Variants in PTCD1 observed in about 807,000 individuals in gnomAD.
PTCD1 encodes the protein pentatricopeptide repeat-containing protein 1, mitochondrial.
In PTCD1, 50 loss-of-function variants were observed where a neutral mutation model predicts 53.4. That is an observed-to-expected ratio of 0.94 (90% CI 0.75 to 1.19). The LOEUF is 1.19. Ranked by LOEUF, PTCD1 falls within the 50% of genes most tolerant of loss-of-function variation. PTCD1 has a pLI of 0.00. For synonymous variants in PTCD1, 413 were observed against 394.8 expected, an observed-to-expected ratio of 1.05 and a Z score of -0.55; for missense variants, 918 against 904.8, an observed-to-expected ratio of 1.01 and a Z score of -0.19.
rs1297277545 is a variant in PTCD1, at chr7:99,419,816, C to G, written c.*151G>C. On this transcript the variant is annotated 3_prime_UTR_variant, in exon 8 of 8. Transcript: ENST00000292478. ...TGCTGGGAGCACAGGCACCTTGGGCCTAGTGTGTGTCCTCACCAACACCTG... is the reference window on the plus strand; with the variant it reads ...TGCTGGGAGCACAGGCACCTTGGGCGTAGTGTGTGTCCTCACCAACACCTG... The G allele has an allele frequency of 3.0e-6, 4 of 1,351,876 alleles. No individual in the cohort carries two copies. In the African/African-American group the frequency reaches 4.3e-5, roughly 15 times the overall value. The allele number at this position is 1,351,876 out of a possible 1,614,324, so 83.7% of individuals were successfully genotyped here. A position where few individuals can be genotyped will look rare whatever the true frequency, so the allele number is the denominator to read the frequency against.
intron 3 of PTCD1, among the ~76,000 whole-genome samples, chr7:99,430,397 CGTG>C (rs750303585): frequency 5.3e-5 from 8 of 152,206 alleles, no homozygotes; most frequent in Non-Finnish European, 1.2e-4. Context: ...GTTGACAATC[CGTG>C]GTGAAGCCTA....
rs781645034 is a variant in PTCD1, at chr7:99,435,068, G to A, written c.175C>T (p.Arg59Cys). 7.4e-6 allele frequency: 12 copies of A among 1,611,580 alleles called. No individual in the cohort carries two copies. The highest frequency in any genetic ancestry group is 2.2e-5 in the East Asian group (1 of 44,852). ...CCCAGGCTGCCCGTGTTTTCCTGAC[G>A]CTCCTGGCCGAGGGGCAGCTGAGAG... Reference protein sequence around the residue: ...SSSQLPLGQERQENTGSLGSD... With the variant: ...SSSQLPLGQECQENTGSLGSD... The change falls in exon 2 of 8, where the codon CGT becomes TGT. Residue 59 changes from arginine (R) to cysteine (C), a missense_variant. By Grantham distance (180) the Arg-to-Cys change is radical (BLOSUM62 -3). Transcript: ENST00000292478.
intron 2 of PTCD1, among the ~76,000 whole-genome samples, chr7:99,433,989 C>A (rs1225848329): frequency 7.0e-6 from 1 of 142,434 alleles, no homozygotes; most frequent in Non-Finnish European, 1.5e-5. Context: ...GAGGCAGAGG[C>A]TACGGTGAGC....
rs200914747 is a variant in PTCD1 at position 99,429,116 on chromosome 7, C to G, written c.902G>C (p.Arg301Pro). 1 of 1,614,114 alleles carries G rather than the reference C, an allele frequency of 6.2e-7. No homozygotes were observed. The highest frequency in any genetic ancestry group is 1.3e-5 in the African/African-American group (1 of 75,016). Residue 301 changes from arginine to proline, a missense_variant, in exon 5 of 8, where the codon CGG becomes CCG. Arg to Pro is a moderately radical substitution (Grantham distance 103, BLOSUM62 -2). Coordinates refer to ENST00000292478, the MANE Select transcript of PTCD1 (RefSeq NM_015545.4). ...GGAGGGACATACCTGGAGGGCGTACCGGAAGCCTGTCTTCTTGTCTTGGAT... is the reference window on the plus strand; with the variant it reads ...GGAGGGACATACCTGGAGGGCGTACGGGAAGCCTGTCTTCTTGTCTTGGAT... ...GCIQDKKTGF[R>P]YALQVWRLML...
At chr7:99,438,010 A>G (rs1158405048) in intron 1 of PTCD1, among the ~76,000 whole-genome samples, 1 of 152,108 alleles carries the variant, frequency 6.6e-6, no homozygotes, top group African/African-American at 2.4e-5. Context: ...TCACCCTCAC[A>G]GTTTCAGGCA....
rs1795621464 is a variant in PTCD1, at chr7:99,418,291, TTC to T, written c.*1674_*1675del. 6.1e-6 allele frequency: 1 copy of T among 162,624 alleles called. No individual in the cohort carries two copies. The highest frequency in any genetic ancestry group is 1.6e-4 in the South Asian group (1 of 6,408). The allele number at this position is 162,624 out of a possible 1,614,324, so 10.1% of individuals were successfully genotyped here. A position where few individuals can be genotyped will look rare whatever the true frequency, so the allele number is the denominator to read the frequency against. On this transcript the variant is annotated 3_prime_UTR_variant, in exon 8 of 8. Transcript: ENST00000292478. The stretch of plus-strand genomic sequence containing the variant: ...CCACTGTGTTTCTTCTTTCAGAACT[TTC>T]TGTTCCAAGTACCACTCCTAGGCCA...
rs764904069 is a variant in PTCD1, at chr7:99,420,152, A to G, written c.1921-3T>C. 2.5e-6 allele frequency: 4 copies of G among 1,614,152 alleles called. No homozygotes were observed. Among genetic ancestry groups the G allele is most frequent in the Non-Finnish European group, 2.5e-6 (3 of 1,180,018 alleles). On this transcript the variant is annotated splice_region_variant and splice_polypyrimidine_tract_variant and intron_variant, in intron 7 of 7. Transcript: ENST00000292478. ...AGGTAGGTGTTCTTCCCTTGGTACT[A>G]GAATTAGAAAAGTGAGGCTAGAATC... is the stretch of plus-strand genomic sequence containing the variant.
Position 99,435,109 on chromosome 7 carries a change from G to T in PTCD1, c.134C>A (p.Pro45His). 1 of 1,605,814 alleles carries T rather than the reference G, an allele frequency of 6.2e-7. No individual in the cohort carries two copies. The part of the protein sequence containing the change: ...REGLMRPMWA[P>H]FSSSSSQLPL... Reference sequence around the variant, plus strand: ...CAGCTGAGAGGAGGAGCTGCTGAAGGGCGCCCACATTGGCCGCATCAGCCC... The same window carrying T: ...CAGCTGAGAGGAGGAGCTGCTGAAGTGCGCCCACATTGGCCGCATCAGCCC... Residue 45 changes from proline to histidine, a missense_variant, in exon 2 of 8, where the codon CCC (proline) becomes CAC (histidine). Coordinates refer to ENST00000292478, the MANE Select transcript of PTCD1 (RefSeq NM_015545.4).
At chr7:99,426,617 G>T (rs1796036003) in intron 5 of PTCD1, among the ~76,000 whole-genome samples, 1 of 151,570 alleles carries the variant, frequency 6.6e-6, no homozygotes, top group Non-Finnish European at 1.5e-5. Context: ...GAAGTGAGGA[G>T]CGTCTCTGCC....
chr7:99,425,970 G>A lies in PTCD1; in HGVS notation c.916-354C>T, dbSNP rs148900901. On this transcript the variant is annotated intron_variant, in intron 5 of 7. Transcript: ENST00000292478. ...AGTCCCAGCTACTCAGGAGGCTGAA[G>A]TGGGAGAATCACTTGAACCCAGAGA... Among the ~76,000 whole-genome samples the A allele has an allele frequency of 1.6e-4, 25 of 152,326 alleles. No homozygotes were observed. In the East Asian group the frequency reaches 4.2e-3, roughly 26 times the overall value.
At position 99,433,297 on chromosome 7, in the gene PTCD1, G is replaced by A. The variant is rs561381259; in HGVS notation, c.575C>T (p.Ala192Val). ...ATGCACCTGGTTGTAGAGGTTGAAG[G>A]CCTTCTTCAGGTAGCCAACCCGCCC... ...GCGRVGYLKK[A>V]FNLYNQMKKR... Residue 192 changes from alanine to valine, a missense_variant, in exon 3 of 8, where the codon GCC becomes GTC. Coordinates refer to ENST00000292478, the MANE Select transcript of PTCD1 (RefSeq NM_015545.4). The A allele has an allele frequency of 6.2e-7, 1 of 1,614,164 alleles. No individual in the cohort carries two copies. Among genetic ancestry groups the A allele is most frequent in the Non-Finnish European group, 8.5e-7 (1 of 1,180,036 alleles).
rs919561871 is a variant in PTCD1, at chr7:99,428,628, C to T, written c.915+475G>A. 5.3e-5 allele frequency among the ~76,000 whole-genome samples: 8 copies of T among 152,016 alleles called. No homozygotes were observed. In the South Asian group the frequency reaches 1.2e-3, roughly 24 times the overall value. On this transcript the variant is annotated intron_variant, in intron 5 of 7. Transcript: ENST00000292478. The stretch of plus-strand genomic sequence containing the variant: ...TGGTGGCGGGCGCCTGTAATCTCAA[C>T]TACTCGGGAGGCTGAGGCAGGAGTA...
At chr7:99,432,048 G>T (rs1031010950) in intron 3 of PTCD1, among the ~76,000 whole-genome samples, 7 of 152,340 alleles carry the variant, frequency 4.6e-5, no homozygotes, top group African/African-American at 1.4e-4. Flanking sequence ...ACAATACACT[G>T]CGGAAGGCCG....
chr7:99,420,648 C>CTA (rs1795763303), intron 7 of PTCD1, among the ~76,000 whole-genome samples: 1 of 152,222 alleles, frequency 6.6e-6, no homozygotes, highest in South Asian at 2.1e-4. Context: ...CAACATACAG[C>CTA]TACTACCACA....
Position 99,425,257 on chromosome 7 carries a change from G to T in PTCD1, c.1275C>A (p.Ala425=), listed in dbSNP as rs80070442. 4,782 of 1,613,118 alleles carry T rather than the reference G, an allele frequency of 3.0e-3. 138 individuals are homozygous for T. The African/African-American group carries it at 0.057, about 19-fold the overall frequency. Residue 425 remains alanine (A), a synonymous_variant, in exon 6 of 8, where the codon GCC becomes GCA. Coordinates refer to ENST00000292478, the MANE Select transcript of PTCD1 (RefSeq NM_015545.4). ...GTGGCTTCAGGGCCACTGCGGTGAG[G>T]GCTGCTGTGTGGCTGGGCTCTGCCT... The part of the protein sequence containing the change: ...DTKAEPSHTA[A]LTAVALKPPP...
In PTCD1 at chr7:99,438,681, C is replaced by T. The variant is rs953032441; in HGVS notation, c.-27+11G>A. 3 of 1,268,350 alleles carry T rather than the reference C, an allele frequency of 2.4e-6. No homozygotes were observed. The highest frequency in any genetic ancestry group is 1.3e-5 in the South Asian group (1 of 78,182). The allele number at this position is 1,268,350 out of a possible 1,614,324, so 78.6% of individuals were successfully genotyped here. ...TCCCGGGGCTCCTGCGAGGATCACA[C>T]AGGAACTCACTTGAAGTGTCCGGCG... is the stretch of plus-strand genomic sequence containing the variant. On this transcript the variant is annotated intron_variant, in intron 1 of 7. Coordinates refer to ENST00000292478, the MANE Select transcript of PTCD1 (RefSeq NM_015545.4).
Position 99,417,850 on chromosome 7 carries a change from G to A in PTCD1, c.*2117C>T. The A allele has an allele frequency of 7.0e-7, 1 of 1,426,630 alleles. No individual in the cohort carries two copies. The allele number at this position is 1,426,630 out of a possible 1,614,324, so 88.4% of individuals were successfully genotyped here. ...ATTACTGAACCCCTTTCCTCACTTA[G>A]GAAATGGTGGTGGGGAGCCCTAATC... On this transcript the variant is annotated 3_prime_UTR_variant, in exon 8 of 8. Coordinates refer to ENST00000292478, the MANE Select transcript of PTCD1 (RefSeq NM_015545.4).
At chr7:99,421,390 T>G (rs1450814764) in intron 7 of PTCD1, among the ~76,000 whole-genome samples, 1 of 146,978 alleles carries the variant, frequency 6.8e-6, no homozygotes, top group Non-Finnish European at 1.5e-5. Flanking sequence ...ATCGTGCCAC[T>G]GCACTCCAGC....
chr7:99,431,728 G>A (rs886192400), intron 3 of PTCD1, among the ~76,000 whole-genome samples: 2 of 152,088 alleles, frequency 1.3e-5, no homozygotes, highest in Middle Eastern at 3.2e-3. Context: ...GCGACAGAGC[G>A]AGACTCTGTC....
Sources: gnomAD v4.1 joint callset for allele counts (sites outside exome capture counted in the v4.1 genomes callset) on GRCh38, gnomAD v4.1.1 for gene constraint, MANE v1.5 for transcripts, NCBI Gene and HGNC (gene_info 2026-07-23, HGNC 2026-07-21) for gene names.